Variants in FRMD4A observed in about 807,000 individuals in gnomAD.
The protein encoded by FRMD4A is FERM domain containing 4A.
Under a neutral mutation model 129.1 loss-of-function variants are expected in FRMD4A, and 29 were observed. The ratio of observed to expected loss-of-function variants is 0.22; its 90% CI spans 0.17 to 0.31. FRMD4A has a LOEUF of 0.31. Among genes scored for constraint, FRMD4A ranks in the 10% least tolerant of loss-of-function variants. The pLI is 1.00. For missense variants in FRMD4A, 1,272 were observed against 1,375.8 expected (o/e 0.92, Z 1.19); for synonymous variants, 634 against 571.6 (o/e 1.11, Z -1.56).
chr10:13,656,849 C>A lies in FRMD4A; in HGVS notation c.2740G>T (p.Ala914Ser). The change falls in exon 22 of 25, where the codon GCC becomes TCC. Residue 914 changes from alanine (A) to serine (S), a missense_variant. This residue lies in a region of FRMD4A where 972 missense variants were observed against 892.3 expected (regional missense o/e 1.09). Transcript: ENST00000357447. ...LRTPSLGREGAHDKGAGRAAV... is the reference protein window; with the variant it reads ...LRTPSLGREGSHDKGAGRAAV... ...GCACGGCCCGCGCCCTTGTCGTGGGCGCCCTCGCGGCCCAGCGACGGAGTC... is the reference window on the plus strand; with the variant it reads ...GCACGGCCCGCGCCCTTGTCGTGGGAGCCCTCGCGGCCCAGCGACGGAGTC... The A allele has an allele frequency of 6.7e-7, 1 of 1,503,328 alleles. No homozygotes were observed. Among genetic ancestry groups the A allele is most frequent in the Non-Finnish European group, 8.9e-7 (1 of 1,129,484 alleles). The allele number at this position is 1,503,328 out of a possible 1,614,324, so 93.1% of individuals were successfully genotyped here. A position where few individuals can be genotyped will look rare whatever the true frequency, so the allele number is the denominator to read the frequency against.
rs147445727 is a variant in FRMD4A at position 14,092,778 on chromosome 10, C to T, written c.46-233866G>A. Among the ~76,000 whole-genome samples, 15 of 152,254 alleles carry T rather than the reference C, an allele frequency of 9.9e-5. No individual in the cohort carries two copies. In the East Asian group the frequency reaches 1.7e-3, roughly 18 times the overall value. The stretch of plus-strand genomic sequence containing the variant: ...AGTCTGTCATCAAATAGGTGGGTCT[C>T]GGGACCAGGCTGGGATATAAAGGTG... On this transcript the variant is annotated intron_variant, in intron 2 of 24. Coordinates refer to ENST00000357447, the MANE Select transcript of FRMD4A (RefSeq NM_018027.5).
chr10:13,706,333 A>G (rs1419303561), intron 13 of FRMD4A, among the ~76,000 whole-genome samples: 1 of 152,110 alleles, frequency 6.6e-6, no homozygotes, highest in African/African-American at 2.4e-5. Context: ...CAAAGAGAGG[A>G]AAACAGTGGG....
chr10:13,952,211 T>C (rs1336927156), intron 2 of FRMD4A, among the ~76,000 whole-genome samples: 1 of 151,072 alleles, frequency 6.6e-6, no homozygotes, highest in African/African-American at 2.4e-5. Flanking sequence ...TTAAATGGAG[T>C]GGCTGCCTGG....
chr10:14,206,101 T>C (rs1842774440), intron 2 of FRMD4A, among the ~76,000 whole-genome samples: 1 of 152,208 alleles, frequency 6.6e-6, no homozygotes, highest in South Asian at 2.1e-4. Flanking sequence ...ATGGACAGTG[T>C]GTCCTGCCAC....
chr10:13,711,278 T>C (rs1271610882), intron 12 of FRMD4A, among the ~76,000 whole-genome samples: 2 of 152,212 alleles, frequency 1.3e-5, no homozygotes, highest in African/African-American at 4.8e-5. Flanking sequence ...TCCTGCCTGT[T>C]AAATACCTCA....
chr10:13,669,342 C>G (rs1395363372), intron 17 of FRMD4A, among the ~76,000 whole-genome samples: 1 of 152,106 alleles, frequency 6.6e-6, no homozygotes, highest in Non-Finnish European at 1.5e-5. Context: ...GATTTTGCAG[C>G]GAAAGGCGTG....
At chr10:14,050,375 A>T (rs2131685516) in intron 2 of FRMD4A, among the ~76,000 whole-genome samples, 1 of 152,352 alleles carries the variant, frequency 6.6e-6, no homozygotes, top group Middle Eastern at 3.4e-3. Context: ...TTAGAGCTGG[A>T]AAGTGATGCT....
chr10:14,214,046 G>T (rs1843002927), intron 2 of FRMD4A, among the ~76,000 whole-genome samples: 1 of 152,250 alleles, frequency 6.6e-6, no homozygotes, highest in African/African-American at 2.4e-5. Flanking sequence ...TCTCTTGGCT[G>T]CCGCCATGTA....
intron 3 of FRMD4A, among the ~76,000 whole-genome samples, chr10:13,848,563 C>G (rs1329056314): frequency 6.6e-6 from 1 of 151,880 alleles, no homozygotes; most frequent in Non-Finnish European, 1.5e-5. Flanking sequence ...GGGATGGTCT[C>G]TTCTCCTCTC....
At chr10:13,782,052 CTAAA>C (rs1218889441) in intron 6 of FRMD4A, among the ~76,000 whole-genome samples, 5 of 152,130 alleles carry the variant, frequency 3.3e-5, no homozygotes, top group Admixed American at 3.3e-4. Context: ...ACTCATGTAA[CTAAA>C]TACCACCTGT....
chr10:13,901,121 G>A (rs1490879014), intron 2 of FRMD4A, among the ~76,000 whole-genome samples: 1 of 152,330 alleles, frequency 6.6e-6, no homozygotes, highest in Non-Finnish European at 1.5e-5. Context: ...GCCACTGCCA[G>A]TTACCAAACT....
intron 3 of FRMD4A, among the ~76,000 whole-genome samples, chr10:13,834,698 C>T (rs2093845529): frequency 6.6e-6 from 1 of 152,144 alleles, no homozygotes; most frequent in African/African-American, 2.4e-5. Context: ...GTCAGGAGAA[C>T]AAGGCACGGG....
At chr10:14,323,443 G>A (rs1316837559) in intron 2 of FRMD4A, among the ~76,000 whole-genome samples, 1 of 152,154 alleles carries the variant, frequency 6.6e-6, no homozygotes, top group Non-Finnish European at 1.5e-5. Flanking sequence ...AGGCAATTGT[G>A]CTTCTCCATT....
At chr10:14,244,690 C>A (rs1018491436) in intron 2 of FRMD4A, among the ~76,000 whole-genome samples, 3 of 152,146 alleles carry the variant, frequency 2.0e-5, no homozygotes, top group Admixed American at 1.3e-4. Flanking sequence ...CTACAATGAA[C>A]CTGCAAGGAA....
chr10:13,795,570 G>A (rs2093097735), intron 5 of FRMD4A, among the ~76,000 whole-genome samples: 1 of 152,152 alleles, frequency 6.6e-6, no homozygotes, highest in Non-Finnish European at 1.5e-5. Context: ...TCTCGCTCCT[G>A]AATTTCTGTT....
intron 2 of FRMD4A, among the ~76,000 whole-genome samples, chr10:14,037,270 G>A (rs772511876): frequency 3.9e-5 from 6 of 152,150 alleles, no homozygotes; most frequent in East Asian, 3.9e-4. Context: ...AAACAGTCTC[G>A]TTCTGTCATC....
chr10:13,933,054 G>A (rs1442373874), intron 2 of FRMD4A, among the ~76,000 whole-genome samples: 2 of 151,996 alleles, frequency 1.3e-5, no homozygotes, highest in Admixed American at 1.3e-4. Context: ...CCAGCTGCTC[G>A]GGAGACTGAG....
intron 2 of FRMD4A, among the ~76,000 whole-genome samples, chr10:14,264,736 T>G (rs986577890): frequency 6.6e-6 from 1 of 152,216 alleles, no homozygotes; most frequent in African/African-American, 2.4e-5. Flanking sequence ...AAAGAACTAA[T>G]TTTTTAACAC....
intron 2 of FRMD4A, among the ~76,000 whole-genome samples, chr10:14,091,576 G>C (rs1836664742): frequency 6.6e-6 from 1 of 152,196 alleles, no homozygotes; most frequent in African/African-American, 2.4e-5. Flanking sequence ...TGGGACTACA[G>C]GCATGGGCCA....
Sources: allele counts gnomAD v4.1 joint callset (sites outside exome capture counted in the v4.1 genomes callset), GRCh38; gene constraint gnomAD v4.1.1; regional missense constraint gnomAD v4.1.1; transcripts MANE v1.5; gene names NCBI Gene and HGNC (gene_info 2026-07-23, HGNC 2026-07-21).